IQCE: variants seen among roughly 807,000 people sequenced by gnomAD.
The protein encoded by IQCE is IQ motif containing E.
A neutral mutation model predicts 96.0 loss-of-function variants in IQCE; 115 were observed. That is an observed-to-expected ratio of 1.20 (90% CI 1.03 to 1.40). IQCE has a LOEUF of 1.40. Among genes scored for constraint, IQCE ranks in the 40% most tolerant of loss-of-function variants. The pLI is 0.00. For missense variants in IQCE, 1,041 were observed against 909.1 expected, an observed-to-expected ratio of 1.15 and a Z score of -1.87; for synonymous variants, 412 against 371.2, an observed-to-expected ratio of 1.11 and a Z score of -1.26.
At chr7:2,609,384 C>T (rs1281977416) in intron 21 of IQCE, among the ~76,000 whole-genome samples, 1 of 151,642 alleles carries the variant, frequency 6.6e-6, no homozygotes, top group Non-Finnish European at 1.5e-5. Flanking sequence ...GGGTTCAAGC[C>T]ACCCTCCCAC....
intron 3 of IQCE, among the ~76,000 whole-genome samples, chr7:2,570,285 C>T (rs550529428): frequency 6.6e-6 from 1 of 152,310 alleles, no homozygotes; most frequent in Admixed American, 6.5e-5. Context: ...CTCTTCTTCC[C>T]TCCCCGCTTT....
intron 15 of IQCE, among the ~76,000 whole-genome samples, chr7:2,593,663 C>T (rs796658246): frequency 1.4e-4 from 22 of 152,314 alleles, no homozygotes; most frequent in African/African-American, 2.4e-4. Flanking sequence ...CGATTCCTTG[C>T]GCAGGAAATG....
In IQCE at chr7:2,610,097, A is replaced by G. The variant is rs1785042976; in HGVS notation, c.2023A>G (p.Asn675Asp). The G allele has an allele frequency of 1.2e-6, 2 of 1,613,308 alleles. No homozygotes were observed. Among genetic ancestry groups the G allele is most frequent in the Admixed American group, 3.3e-5 (2 of 59,998 alleles). ...ALAPLPGDDVNSDDSDDIVIA... is the reference protein window; with the variant it reads ...ALAPLPGDDVDSDDSDDIVIA... Reference sequence around the variant, plus strand: ...GGCACCTCTACCTGGGGATGACGTCAACTCCGATGATTCCGACGATATTGT... The same window carrying G: ...GGCACCTCTACCTGGGGATGACGTCGACTCCGATGATTCCGACGATATTGT... Residue 675 changes from asparagine (N) to aspartate (D), a missense_variant, in exon 22 of 22, where the codon AAC (asparagine) becomes GAC (aspartate). Physicochemically the swap from Asn to Asp is conservative, Grantham distance 23. Coordinates refer to ENST00000402050, the MANE Select transcript of IQCE (RefSeq NM_152558.5).
At position 2,605,930 on chromosome 7, in the gene IQCE, G is replaced by A. The variant is rs201239678; in HGVS notation, c.1798G>A (p.Val600Met). ...CATCGCCCAGGCCACGGGCAGCCCT[G>A]TGCAGGAGGAGGCCATCGTCATCAT... ...SPIAQATGSP[V>M]QEEAIVIIQS... Residue 600 changes from valine (V) to methionine (M), a missense_variant, in exon 20 of 22, where the codon GTG becomes ATG. Coordinates refer to ENST00000402050, the MANE Select transcript of IQCE (RefSeq NM_152558.5). 6.2e-7 allele frequency: 1 copy of A among 1,611,352 alleles called. No individual in the cohort carries two copies. The highest frequency in any genetic ancestry group is 8.5e-7 in the Non-Finnish European group (1 of 1,179,288).
At chr7:2,598,852 C>T (rs1784246398) in intron 17 of IQCE, 1 of 404,154 alleles carries the variant, frequency 2.5e-6, no homozygotes. Flanking sequence ...TTCTTTCCAT[C>T]CAGTTTTCTT....
chr7:2,580,130 C>T (rs894635251), intron 8 of IQCE: 8 of 152,206 alleles, frequency 5.3e-5, no homozygotes, highest in Non-Finnish European at 8.8e-5. Flanking sequence ...GCCCTGTGGC[C>T]TGCCGTGTCT....
At chr7:2,597,053 A>T (rs1246334065) in intron 16 of IQCE, 1 of 471,342 alleles carries the variant, frequency 2.1e-6, no homozygotes, top group Admixed American at 2.3e-5. Flanking sequence ...GCCACGCAGG[A>T]GCGGCGCGTC....
intron 16 of IQCE, among the ~76,000 whole-genome samples, chr7:2,596,399 ATTTTT>A (rs3074415): frequency 1.4e-5 from 2 of 138,478 alleles, no homozygotes; most frequent in Admixed American, 7.2e-5. Context: ...GGTTATAAGC[ATTTTT>A]TTTTTTTTTT....
At chr7:2,591,126 G>T (rs1437230122) in intron 14 of IQCE, among the ~76,000 whole-genome samples, 1 of 151,976 alleles carries the variant, frequency 6.6e-6, no homozygotes, top group Non-Finnish European at 1.5e-5. Flanking sequence ...AGTGGTTGAA[G>T]CCTGTAATCC....
chr7:2,612,311 T>TG lies in IQCE; in HGVS notation c.*2149_*2150insG, dbSNP rs1785132551. The TG allele has an allele frequency of 6.6e-6, 1 of 152,302 alleles. No homozygotes were observed. The highest frequency in any genetic ancestry group is 1.5e-5 in the Non-Finnish European group (1 of 68,086). The allele number at this position is 152,302 out of a possible 1,614,324, so 9.4% of individuals were successfully genotyped here. A position where few individuals can be genotyped will look rare whatever the true frequency, so the allele number is the denominator to read the frequency against. ...GCAATGCATTCTCAAGCCAGTGTCT[T>TG]CAGCTGATGCCCAGTGTCCAGTGCT... On this transcript the variant is annotated 3_prime_UTR_variant, in exon 22 of 22. Coordinates refer to ENST00000402050, the MANE Select transcript of IQCE (RefSeq NM_152558.5).
rs200902392 is a variant in IQCE at position 2,567,154 on chromosome 7, T to C, written c.75T>C (p.Asp25=). The part of the protein sequence containing the change: ...DSLSAVTFDS[D]VETKAKRKAF... Reference sequence around the variant, plus strand: ...TGTCTGCAGTCACCTTTGACTCTGATGTGGAGACGGTGAGTGCCGCTGGGT... The same window carrying C: ...TGTCTGCAGTCACCTTTGACTCTGACGTGGAGACGGTGAGTGCCGCTGGGT... Residue 25 remains aspartate (D), a synonymous_variant, in exon 2 of 22, where the codon GAT becomes GAC. Coordinates refer to ENST00000402050, the MANE Select transcript of IQCE (RefSeq NM_152558.5). 10 of 1,613,794 alleles carry C rather than the reference T, an allele frequency of 6.2e-6. No individual in the cohort carries two copies. In the African/African-American group the frequency reaches 1.2e-4, roughly 19 times the overall value.
Position 2,601,482 on chromosome 7 carries a change from C to A in IQCE, c.1632+18C>A, listed in dbSNP as rs758043414. On this transcript the variant is annotated intron_variant, in intron 18 of 21. Coordinates refer to ENST00000402050, the MANE Select transcript of IQCE (RefSeq NM_152558.5). ...TGGATGAGGTAAGCGAGGTTTATTT[C>A]TTGTTTCAAAATTCGGATTTGTATT... 1.3e-6 allele frequency: 2 copies of A among 1,559,746 alleles called. No individual in the cohort carries two copies. Among genetic ancestry groups the A allele is most frequent in the African/African-American group, 1.4e-5 (1 of 72,610 alleles).
intron 14 of IQCE, 109 bp from the exon 15 acceptor site, chr7:2,592,913 C>T (rs1272305244): frequency 1.7e-6 from 2 of 1,185,452 alleles, no homozygotes; most frequent in South Asian, 1.8e-5. Context: ...CCCCACCATC[C>T]ACTGTCCTAA....
At chr7:2,570,936 C>T (rs766495825) in intron 3 of IQCE, among the ~76,000 whole-genome samples, 5 of 152,268 alleles carry the variant, frequency 3.3e-5, no homozygotes, top group South Asian at 4.1e-4. Context: ...TGTAAGAACA[C>T]GCACATCTCT....
chr7:2,578,247 G>A lies in IQCE; in HGVS notation c.471G>A (p.Leu157=), dbSNP rs1239561071. ...ATGGCCCTTGTTTTCTTCAGTCATT[G>A]CACGTGCAGAAGAGCGACGTGGACC... ...YDEIIELKKS[L]HVQKSDVDLM... is the part of the protein sequence containing the mutation. Residue 157 remains leucine, a synonymous_variant, in exon 7 of 22, where the codon TTG becomes TTA. Transcript: ENST00000402050. 1 of 1,612,206 alleles carries A rather than the reference G, an allele frequency of 6.2e-7. No individual in the cohort carries two copies. The highest frequency in any genetic ancestry group is 2.2e-5 in the East Asian group (1 of 44,874).
Position 2,578,299 on chromosome 7 carries a change from G to T in IQCE, c.523G>T (p.Glu175Ter). The change falls in exon 7 of 22, where the codon GAG becomes TAG. Residue 175 changes from glutamate (E) to a stop codon, truncating the protein, a stop_gained. Coordinates refer to ENST00000402050, the MANE Select transcript of IQCE (RefSeq NM_152558.5). LOFTEE classifies it high-confidence loss of function. ...GATGAGAACGAAGCTCCGGCGCCTG[G>T]AGGAGGAAAACAGCAGGAAGGACCG... is the stretch of plus-strand genomic sequence containing the variant. Reference protein sequence around the residue: ...DLMRTKLRRLEEENSRKDRQI... With the variant: ...DLMRTKLRRL The T allele has an allele frequency of 6.2e-7, 1 of 1,614,070 alleles. No homozygotes were observed. The highest frequency in any genetic ancestry group is 1.1e-5 in the South Asian group (1 of 91,086).
intron 6 of IQCE, among the ~76,000 whole-genome samples, chr7:2,573,691 A>G (rs1260267417): frequency 1.3e-5 from 2 of 152,178 alleles, no homozygotes; most frequent in Non-Finnish European, 2.9e-5. Flanking sequence ...CATAAAAGGC[A>G]GCAGAGCTCA....
chr7:2,608,729 C>T (rs1406504507), intron 21 of IQCE, among the ~76,000 whole-genome samples: 2 of 152,244 alleles, frequency 1.3e-5, no homozygotes, highest in Non-Finnish European at 2.9e-5. Context: ...GCCCTTTTCT[C>T]TTGCTCAACG....
At chr7:2,579,142 A>G (rs763457085) in intron 8 of IQCE, among the ~76,000 whole-genome samples, 2 of 152,064 alleles carry the variant, frequency 1.3e-5, no homozygotes, top group Non-Finnish European at 2.9e-5. Context: ...CTATGTGACA[A>G]TATGTAAGAA....
Sources: allele counts gnomAD v4.1 joint callset (sites outside exome capture counted in the v4.1 genomes callset), GRCh38; gene constraint gnomAD v4.1.1; transcripts MANE v1.5; gene names NCBI Gene and HGNC (gene_info 2026-07-23, HGNC 2026-07-21).